AGMO: variants seen among roughly 807,000 people sequenced by gnomAD.
AGMO encodes glyceryl-ether monooxygenase.
AGMO carries 75 observed loss-of-function variants against 60.2 expected under a neutral mutation model. The observed-to-expected ratio is 1.25, with a 90% CI of 1.03 to 1.51. The LOEUF (loss-of-function observed/expected upper bound fraction) is 1.51, where lower values mean the gene tolerates loss of function less well. AGMO is among the 40% of genes most tolerant of loss of function. The pLI, the probability that AGMO is intolerant of heterozygous loss-of-function variation, is 0.00. For synonymous variants in AGMO, 261 were observed against 177.1 expected (o/e 1.47, Z -3.76); for missense variants, 763 against 525.5 (o/e 1.45, Z -4.42).
At chr7:15,346,425 GT>G (rs1782033601) in intron 12 of AGMO, among the ~76,000 whole-genome samples, 1 of 151,892 alleles carries the variant, frequency 6.6e-6, no homozygotes, top group East Asian at 1.9e-4. Context: ...AACTAATAGT[GT>G]TTCACGTGTT....
chr7:15,408,150 T>A (rs1443657063), intron 5 of AGMO, among the ~76,000 whole-genome samples: 3 of 151,796 alleles, frequency 2.0e-5, no homozygotes, highest in African/African-American at 7.2e-5. Context: ...AGGAAGCAAA[T>A]AGCAGGGCAG....
chr7:15,550,252 A>T (rs1157576904), intron 2 of AGMO, among the ~76,000 whole-genome samples: 35 of 151,476 alleles, frequency 2.3e-4, no homozygotes, highest in African/African-American at 8.5e-4. Flanking sequence ...TCACAATTAA[A>T]AGAACTAGAA....
At chr7:15,354,395 CACGTGTGTGT>C (rs1249845713) in intron 12 of AGMO, among the ~76,000 whole-genome samples, 7 of 37,908 alleles carry the variant, frequency 1.8e-4, no homozygotes, top group East Asian at 2.3e-3. Context: ...TGTGTGTATA[CACGTGTGTGT>C]ACACACGTGT....
At chr7:15,522,532 C>G (rs1295132407) in intron 3 of AGMO, among the ~76,000 whole-genome samples, 1 of 152,070 alleles carries the variant, frequency 6.6e-6, no homozygotes, top group African/African-American at 2.4e-5. Context: ...ACAGAGGCCT[C>G]AGAAATAACA....
chr7:15,405,283 T>A (rs1158549181), intron 5 of AGMO, among the ~76,000 whole-genome samples: 1 of 151,894 alleles, frequency 6.6e-6, no homozygotes, highest in Admixed American at 6.6e-5. Flanking sequence ...ATTAAAAAGA[T>A]GTTTGCTGGT....
the AGMO span, among the ~76,000 whole-genome samples, chr7:15,182,236 G>C: frequency 2.6e-5 from 4 of 152,202 alleles, no homozygotes; most frequent in East Asian, 1.9e-4. Flanking sequence ...ATGGGTACAG[G>C]ATTTCAGTTT....
chr7:15,379,820 A>C (rs541871009), intron 10 of AGMO, among the ~76,000 whole-genome samples: 1 of 152,248 alleles, frequency 6.6e-6, no homozygotes, highest in Non-Finnish European at 1.5e-5. Flanking sequence ...ACCATGATTA[A>C]ATGGGCTTTA....
intron 3 of AGMO, among the ~76,000 whole-genome samples, chr7:15,511,676 C>T (rs79830957): frequency 0.014 from 2,207 of 152,214 alleles, 49 homozygotes; most frequent in African/African-American, 0.051. Flanking sequence ...GTAATGCACA[C>T]GCTGATTAAC....
At chr7:15,492,644 C>T (rs1583609832) in intron 3 of AGMO, among the ~76,000 whole-genome samples, 1 of 151,866 alleles carries the variant, frequency 6.6e-6, no homozygotes, top group East Asian at 1.9e-4. Context: ...TTTACTAGGT[C>T]ATAAGGTCAG....
At chr7:15,149,495 T>C in the AGMO span, among the ~76,000 whole-genome samples, 1 of 152,168 alleles carries the variant, frequency 6.6e-6, no homozygotes, top group African/African-American at 2.4e-5. Context: ...TTTTATTATA[T>C]GGTGAAAGGA....
chr7:15,221,146 C>A (rs28569352), intron 12 of AGMO, among the ~76,000 whole-genome samples: 66,702 of 151,846 alleles, frequency 0.44, 17,753 homozygotes, highest in African/African-American at 0.76. Flanking sequence ...GTGGGCTCAC[C>A]GAAAATGTAG....
intron 10 of AGMO, 76 bp from the exon 11 acceptor site, chr7:15,366,298 A>G (rs900866831): frequency 2.9e-5 from 31 of 1,066,032 alleles, no homozygotes; most frequent in Non-Finnish European, 3.4e-5. Flanking sequence ...AAAGCTTACA[A>G]AACAGCCCAA....
intron 12 of AGMO, among the ~76,000 whole-genome samples, chr7:15,316,131 A>G (rs977964081): frequency 1.3e-5 from 2 of 152,186 alleles, no homozygotes; most frequent in African/African-American, 2.4e-5. Context: ...AAGTCCCAAC[A>G]CTTGTGCCCA....
intron 12 of AGMO, among the ~76,000 whole-genome samples, chr7:15,201,822 AT>A (rs887481449): frequency 5.9e-5 from 9 of 152,320 alleles, no homozygotes; most frequent in Non-Finnish European, 1.2e-4. Context: ...CGTGAATTAA[AT>A]TCTAAACACT....
intron 4 of AGMO, among the ~76,000 whole-genome samples, chr7:15,428,918 C>T (rs185068355): frequency 3.9e-3 from 592 of 152,006 alleles, no homozygotes; most frequent in Non-Finnish European, 6.2e-3. Context: ...AGCCATATAT[C>T]CAGCCTATAT....
At chr7:15,548,322 C>G (rs982018921) in intron 2 of AGMO, among the ~76,000 whole-genome samples, 2 of 152,076 alleles carry the variant, frequency 1.3e-5, no homozygotes, top group Admixed American at 6.5e-5. Flanking sequence ...TGGAGAATGA[C>G]TTTGACGAGC....
chr7:15,493,362 C>CCCACACAT (rs71004386), intron 3 of AGMO, among the ~76,000 whole-genome samples: 1 of 102,264 alleles, frequency 9.8e-6, no homozygotes, highest in Non-Finnish European at 1.8e-5. Context: ...CACACACACA[C>CCCACACAT]TTCTTTTTTT....
chr7:15,482,437 T>C (rs1782783384), intron 3 of AGMO, among the ~76,000 whole-genome samples: 1 of 152,066 alleles, frequency 6.6e-6, no homozygotes, highest in Non-Finnish European at 1.5e-5. Flanking sequence ...AACAAAAATA[T>C]ATCAAAAAGG....
chr7:15,414,255 T>C (rs1016571761), intron 5 of AGMO, among the ~76,000 whole-genome samples: 2 of 152,070 alleles, frequency 1.3e-5, no homozygotes, highest in Non-Finnish European at 2.9e-5. Context: ...CACCTCAGCT[T>C]CCCAAAGTGC....
Sources: gnomAD v4.1 joint callset for allele counts (sites outside exome capture counted in the v4.1 genomes callset) on GRCh38, gnomAD v4.1.1 for gene constraint, MANE v1.5 for transcripts, NCBI Gene and HGNC (gene_info 2026-07-23, HGNC 2026-07-21) for gene names.